Variants in RASIP1 observed in about 807,000 individuals in gnomAD.
RASIP1 encodes ras-interacting protein 1.
A neutral mutation model predicts 85.3 loss-of-function variants in RASIP1; 20 were observed. The ratio of observed to expected loss-of-function variants is 0.23; its 90% confidence interval spans 0.17 to 0.34. The LOEUF (loss-of-function observed/expected upper bound fraction) is 0.34. Among genes scored for constraint, RASIP1 ranks in the 10% least tolerant of loss-of-function variants. The probability of loss-of-function intolerance (pLI) is 1.00; values close to 1 mark genes in which losing one functional copy is unlikely to be tolerated. For synonymous variants in RASIP1, 617 were observed against 647.1 expected, an observed-to-expected ratio of 0.95 and a Z score of 0.71; for missense variants, 1,170 against 1,390.9, an observed-to-expected ratio of 0.84 and a Z score of 2.53.
intron 6 of RASIP1, 69 bp downstream of exon 6, chr19:48,727,324 A>AAC (rs2033359154): frequency 6.4e-7 from 1 of 1,573,472 alleles, no homozygotes; most frequent in Non-Finnish European, 8.7e-7. Flanking sequence ...GCATGGGGTG[A>AAC]ACACAGAACT....
chr19:48,721,035 T>G, intron 11 of RASIP1, 38 bp from the exon 12 acceptor site: 1 of 1,517,204 alleles, frequency 6.6e-7, no homozygotes, highest in South Asian at 1.2e-5. Context: ...AGTCTGAAAG[T>G]GGGAGTGAGG....
Position 48,724,196 on chromosome 19 carries a change from T to G in RASIP1, c.2544+141A>C. On this transcript the variant is annotated intron_variant, in intron 10 of 11. Coordinates refer to ENST00000222145, the MANE Select transcript of RASIP1 (RefSeq NM_017805.3). The surrounding 1 kb of genome is among the most constrained non-coding windows in gnomAD (Gnocchi z 4.6). Reference sequence around the variant, plus strand: ...GCTGGCTTCCTTCTACCTGCCAATGTGTTACCCACAGTGTCTGAGCTGGGG... The same window carrying G: ...GCTGGCTTCCTTCTACCTGCCAATGGGTTACCCACAGTGTCTGAGCTGGGG... The G allele has an allele frequency of 1.2e-6, 1 of 811,090 alleles. No individual in the cohort carries two copies. 50.2% of individuals were successfully genotyped at this position (811,090 alleles called of 1,614,324 possible).
Position 48,729,272 on chromosome 19 carries a change from G to A in RASIP1, c.1498C>T (p.Pro500Ser). ...PRTGGSGPAR[P>S]PWLPARPGAT... is the part of the protein sequence containing the mutation. ...CCGGGGCGCGCGGGCAGCCACGGCG[G>A]CCTCGCAGGCCCCGAGCCCCCAGTG... The change falls in exon 5 of 12, where the codon CCG (proline) becomes TCG (serine). Residue 500 changes from proline to serine, a missense_variant. Physicochemically the swap from Pro to Ser is moderately conservative, Grantham distance 74. Transcript: ENST00000222145. 2 of 1,515,726 alleles carry A rather than the reference G, an allele frequency of 1.3e-6. No individual in the cohort carries two copies. Among genetic ancestry groups the A allele is most frequent in the South Asian group, 2.5e-5 (2 of 80,106 alleles). 93.9% of individuals were successfully genotyped at this position (1,515,726 alleles called of 1,614,324 possible).
At position 48,740,278 on chromosome 19, in the gene RASIP1, A is replaced by T. The variant is rs2033648924; in HGVS notation, c.5T>A (p.Leu2Gln). M[L>Q]SGERKEGGSP... ...TCCGCCCTCCTTCCGTTCACCAGAC[A>T]GCATGGCCCTAAGGGAAGGCGGGTA... Residue 2 changes from leucine (L) to glutamine (Q), a missense_variant, in exon 2 of 12, where the codon CTG (leucine) becomes CAG (glutamine). Coordinates refer to ENST00000222145, the MANE Select transcript of RASIP1 (RefSeq NM_017805.3). This position sits in a 1 kb window ranked among gnomAD's most constrained non-coding sequence, Gnocchi z 5.5. The T allele has an allele frequency of 1.9e-6, 3 of 1,584,704 alleles. No homozygotes were observed. The East Asian group carries it at 7.2e-5, about 38-fold the overall frequency.
Position 48,720,744 on chromosome 19 carries a change from G to T in RASIP1, c.*54C>A. 1 of 1,564,676 alleles carries T rather than the reference G, an allele frequency of 6.4e-7. No homozygotes were observed. ...AAGCTTTGCGCTCAGGCGGGCTCCT[G>T]TCCGTAGAAGCCCGTGACATTTCAA... On this transcript the variant is annotated 3_prime_UTR_variant, in exon 12 of 12. Coordinates refer to ENST00000222145, the MANE Select transcript of RASIP1 (RefSeq NM_017805.3).
rs574469216 is a variant in RASIP1 at position 48,737,013 on chromosome 19, G to C, written c.824-1462C>G. ...ATCGTGCCACTGCACTCCAGCCTGG[G>C]CAACAGAGCAAGACTCCATCTCGAA... On this transcript the variant is annotated intron_variant, in intron 3 of 11. Coordinates refer to ENST00000222145, the MANE Select transcript of RASIP1 (RefSeq NM_017805.3). 1.6e-3 allele frequency among the ~76,000 whole-genome samples: 237 copies of C among 152,272 alleles called. 1 individual carries two copies. The highest frequency in any genetic ancestry group is 2.4e-3 in the Admixed American group (36 of 15,296).
At chr19:48,731,869 T>C (rs939287462) in intron 4 of RASIP1, among the ~76,000 whole-genome samples, 4 of 152,134 alleles carry the variant, frequency 2.6e-5, no homozygotes, top group Non-Finnish European at 5.9e-5. Context: ...TGACCCAAAA[T>C]AAAAGCCCCC....
rs768448915 is a variant in RASIP1 at position 48,724,542 on chromosome 19, T to C, written c.2372-33A>G. 1 of 1,601,416 alleles carries C rather than the reference T, an allele frequency of 6.2e-7. No homozygotes were observed. Among genetic ancestry groups the C allele is most frequent in the Non-Finnish European group, 8.5e-7 (1 of 1,170,750 alleles). The stretch of plus-strand genomic sequence containing the variant: ...TGTTAAAGGTATGAGAGGCAGTTGG[T>C]TGGCTGGACTCTGTGCTCCTGCCTC... On this transcript the variant is annotated intron_variant, in intron 9 of 11. Coordinates refer to ENST00000222145, the MANE Select transcript of RASIP1 (RefSeq NM_017805.3). The surrounding 1 kb of genome is among the most constrained non-coding windows in gnomAD (Gnocchi z 4.6).
At chr19:48,729,685 C>T in intron 4 of RASIP1, 95 bp from the exon 5 acceptor site, 4 of 1,302,734 alleles carry the variant, frequency 3.1e-6, no homozygotes, top group African/African-American at 1.5e-5. Context: ...TCTATTCCCA[C>T]CAACTTTTTT....
At chr19:48,722,149 C>G (rs532053606) in intron 10 of RASIP1, 148 bp from the exon 11 acceptor site, 1 of 749,204 alleles carries the variant, frequency 1.3e-6, no homozygotes, top group African/African-American at 1.8e-5. Context: ...CTGTTTATCA[C>G]CAAAGTGATG....
At position 48,735,291 on chromosome 19, in the gene RASIP1, C is replaced by T. The variant is rs762215588; in HGVS notation, c.1084G>A (p.Asp362Asn). The T allele has an allele frequency of 1.2e-6, 2 of 1,614,096 alleles. No homozygotes were observed. Among genetic ancestry groups the T allele is most frequent in the Non-Finnish European group, 1.7e-6 (2 of 1,179,994 alleles). The change falls in exon 4 of 12, where the codon GAC (aspartate) becomes AAC (asparagine). Residue 362 changes from aspartate (D) to asparagine (N), a missense_variant. This residue lies in a region of RASIP1 where 301 missense variants were observed against 294.8 expected (regional missense o/e 1.02). Transcript: ENST00000222145. ...GAADAQIGTADPGDFDQLTQC... is the reference protein window; with the variant it reads ...GAADAQIGTANPGDFDQLTQC... Reference sequence around the variant, plus strand: ...GTCAACTGATCGAAGTCCCCGGGGTCTGCAGTTCCGATTTGGGCGTCGGCT... The same window carrying T: ...GTCAACTGATCGAAGTCCCCGGGGTTTGCAGTTCCGATTTGGGCGTCGGCT...
Position 48,738,810 on chromosome 19 carries a change from A to T in RASIP1, c.823+150T>A. On this transcript the variant is annotated intron_variant, in intron 3 of 11. Coordinates refer to ENST00000222145, the MANE Select transcript of RASIP1 (RefSeq NM_017805.3). This position sits in a 1 kb window ranked among gnomAD's most constrained non-coding sequence, Gnocchi z 4.0. ...CTGCTCTAGCTCTGCCTAGAGTCCA[A>T]CACGCACCGTCCAGTCCCCTCCCAG... 1 of 1,003,108 alleles carries T rather than the reference A, an allele frequency of 1.0e-6. No individual in the cohort carries two copies. Among genetic ancestry groups the T allele is most frequent in the Non-Finnish European group, 1.3e-6 (1 of 795,038 alleles). 62.1% of individuals were successfully genotyped at this position (1,003,108 alleles called of 1,614,324 possible). A position where few individuals can be genotyped will look rare whatever the true frequency, so the allele number is the denominator to read the frequency against.
At chr19:48,733,884 G>A (rs1021329910) in intron 4 of RASIP1, among the ~76,000 whole-genome samples, 3 of 151,928 alleles carry the variant, frequency 2.0e-5, no homozygotes, top group Non-Finnish European at 4.4e-5. Context: ...CGTGATCCCA[G>A]GCAACAAATG....
chr19:48,737,516 T>A (rs1294751367), intron 3 of RASIP1: 3 of 985,260 alleles, frequency 3.0e-6, no homozygotes, highest in African/African-American at 1.7e-5. Context: ...TCCTTTCCCA[T>A]GTGATCCCAC....
At chr19:48,721,025 A>G in intron 11 of RASIP1, 28 bp from the exon 12 acceptor site, 1 of 1,544,192 alleles carries the variant, frequency 6.5e-7, no homozygotes, top group Non-Finnish European at 8.7e-7. Flanking sequence ...GCGCGGTTAG[A>G]GTCTGAAAGT....
In RASIP1 at chr19:48,735,316, T is replaced by G. The variant is rs765924829; in HGVS notation, c.1059A>C (p.Ala353=). ...CTGCAGTTCCGATTTGGGCGTCGGCTGCCCCTGGGGCCATGCTAAGTGCCT... is the reference window on the plus strand; with the variant it reads ...CTGCAGTTCCGATTTGGGCGTCGGCGGCCCCTGGGGCCATGCTAAGTGCCT... The part of the protein sequence containing the change: ...RQQALSMAPG[A]ADAQIGTADP... Residue 353 remains alanine (A), a synonymous_variant, in exon 4 of 12, where the codon GCA becomes GCC. Transcript: ENST00000222145. 1.2e-6 allele frequency: 2 copies of G among 1,613,744 alleles called. No individual in the cohort carries two copies. The highest frequency in any genetic ancestry group is 1.7e-6 in the Non-Finnish European group (2 of 1,179,948).
In RASIP1 at chr19:48,724,447, C is replaced by A. The variant is rs146642647; in HGVS notation, c.2434G>T (p.Val812Phe). 7.4e-6 allele frequency: 12 copies of A among 1,614,124 alleles called. 1 individual carries two copies. In the South Asian group the frequency reaches 1.1e-4, roughly 15 times the overall value. ...CCAGCTCCCTGTAGCCAGTCCAAGA[C>A]GAGGTCCAGGTTGGTTCGGATTTGA... ...AVQIRTNLDL[V>F]LDWLQGAGLG... Residue 812 changes from valine to phenylalanine, a missense_variant, in exon 10 of 12, where the codon GTC (valine) becomes TTC (phenylalanine). By Grantham distance (50) the Val-to-Phe change is conservative (BLOSUM62 -1). This residue lies in a region of RASIP1 where 426 missense variants were observed against 576.2 expected (regional missense o/e 0.74). Transcript: ENST00000222145. This position sits in a 1 kb window ranked among gnomAD's most constrained non-coding sequence, Gnocchi z 4.6.
At position 48,729,327 on chromosome 19, in the gene RASIP1, C is replaced by T. The variant is rs1397578123; in HGVS notation, c.1443G>A (p.Glu481=). 1 of 1,560,068 alleles carries T rather than the reference C, an allele frequency of 6.4e-7. No individual in the cohort carries two copies. Among genetic ancestry groups the T allele is most frequent in the African/African-American group, 1.4e-5 (1 of 73,768 alleles). ...GGTCCTTGTACATGAACAGGAAGTG[C>T]TCGCCCAGCCCCAGGAGGTCGCCCG... ...LHPGDLLGLG[E]HFLFMYKDPR... The change falls in exon 5 of 12, where the codon GAG becomes GAA. Residue 481 remains glutamate (E), a synonymous_variant. Coordinates refer to ENST00000222145, the MANE Select transcript of RASIP1 (RefSeq NM_017805.3).
Position 48,729,423 on chromosome 19 carries a change from C to T in RASIP1, c.1347G>A (p.Met449Ile), listed in dbSNP as rs1010214869. ...CTGGGGCGCCCCGGGACGGGCGCAC[C>T]ATGGCCGGGTGCTCAGGGCCCGCGC... ...TVRAGPEHPA[M>I]VRPSRGAPVT... Residue 449 changes from methionine (M) to isoleucine (I), a missense_variant, in exon 5 of 12, where the codon ATG becomes ATA. Met to Ile is a conservative substitution (Grantham distance 10). Transcript: ENST00000222145. The T allele has an allele frequency of 6.4e-6, 10 of 1,559,734 alleles. No individual in the cohort carries two copies. In the African/African-American group the frequency reaches 9.5e-5, roughly 15 times the overall value.
Sources: allele counts gnomAD v4.1 joint callset (sites outside exome capture counted in the v4.1 genomes callset), GRCh38; gene constraint gnomAD v4.1.1; regional missense constraint gnomAD v4.1.1; non-coding constraint Gnocchi (gnomAD v3.1); transcripts MANE v1.5; gene names NCBI Gene and HGNC (gene_info 2026-07-23, HGNC 2026-07-21).